The following PRELID2 variants were observed in gnomAD, a reference collection of about 807,000 sequenced individuals.
PRELID2 encodes PRELI domain containing 2, also known as PRELI domain-containing protein 2.
In PRELID2, 25 loss-of-function variants were observed where a neutral mutation model predicts 28.4. The ratio of observed to expected loss-of-function variants is 0.88; its 90% confidence interval spans 0.64 to 1.23. The LOEUF (loss-of-function observed/expected upper bound fraction) is 1.23. PRELID2 is among the 50% of genes most tolerant of loss of function. The pLI, the probability that PRELID2 is intolerant of heterozygous loss-of-function variation, is 0.00. For missense variants in PRELID2, 201 were observed against 214.4 expected (o/e 0.94, Z 0.39); for synonymous variants, 76 against 71.6 (o/e 1.06, Z -0.31).
intron 1 of PRELID2, among the ~76,000 whole-genome samples, chr5:145,721,844 C>A (rs143536421): frequency 1.3e-5 from 2 of 152,156 alleles, no homozygotes; most frequent in Admixed American, 6.6e-5. Context: ...CCAGAAAAAC[C>A]TTTTAATGTA....
At chr5:145,336,471 C>A in the PRELID2 span, among the ~76,000 whole-genome samples, 1 of 151,670 alleles carries the variant, frequency 6.6e-6, no homozygotes, top group African/African-American at 2.4e-5. Context: ...GGAAGGGATC[C>A]AGTTTCAGCT....
chr5:145,504,713 T>C (rs1243187490), intron 1 of PRELID2, among the ~76,000 whole-genome samples: 1 of 152,174 alleles, frequency 6.6e-6, no homozygotes, highest in Non-Finnish European at 1.5e-5. Context: ...CTTTTCAAAA[T>C]TCCATTTAGA....
chr5:145,799,650 G>T (rs1167921482), intron 4 of PRELID2, among the ~76,000 whole-genome samples: 1 of 152,158 alleles, frequency 6.6e-6, no homozygotes, highest in African/African-American at 2.4e-5. Context: ...CATGGTATGG[G>T]GCTTGATAAA....
intron 2 of PRELID2, among the ~76,000 whole-genome samples, chr5:145,822,365 T>C (rs1283344623): frequency 6.6e-6 from 1 of 152,196 alleles, no homozygotes; most frequent in Non-Finnish European, 1.5e-5. Flanking sequence ...TTAAGTTTTG[T>C]GGGCAATAAA....
intron 2 of PRELID2, among the ~76,000 whole-genome samples, chr5:145,821,185 GTCCTCTTC>G (rs1561649934): frequency 3.6e-4 from 24 of 67,174 alleles, no homozygotes; most frequent in Admixed American, 4.8e-4. Context: ...GTGTGTGTAA[GTCCTCTTC>G]TGTGTGTGTG....
chr5:145,659,615 T>G (rs1257027694), intron 1 of PRELID2, among the ~76,000 whole-genome samples: 1 of 152,190 alleles, frequency 6.6e-6, no homozygotes, highest in African/African-American at 2.4e-5. Context: ...AGGGACTCAC[T>G]GGCATGCCTT....
the PRELID2 span, among the ~76,000 whole-genome samples, chr5:145,248,129 A>G: frequency 6.6e-6 from 1 of 152,156 alleles, no homozygotes; most frequent in African/African-American, 2.4e-5. Flanking sequence ...ATGATACTTC[A>G]ACAAAATCAT....
chr5:145,384,475 AC>A, the PRELID2 span, among the ~76,000 whole-genome samples: 1 of 152,196 alleles, frequency 6.6e-6, no homozygotes, highest in Non-Finnish European at 1.5e-5. Context: ...AATATTCAAA[AC>A]ATATATTGAA....
chr5:145,534,802 C>A (rs1251346538), intron 1 of PRELID2, among the ~76,000 whole-genome samples: 1 of 151,892 alleles, frequency 6.6e-6, no homozygotes, highest in African/African-American at 2.4e-5. Context: ...CCTATAATTT[C>A]ACATATAGAG....
At chr5:145,646,404 TA>T (rs1302189506) in intron 1 of PRELID2, among the ~76,000 whole-genome samples, 1 of 152,200 alleles carries the variant, frequency 6.6e-6, no homozygotes, top group African/African-American at 2.4e-5. Flanking sequence ...TGTTCTTCCC[TA>T]AACTGGTTAT....
At chr5:145,319,408 C>A in the PRELID2 span, among the ~76,000 whole-genome samples, 1 of 152,054 alleles carries the variant, frequency 6.6e-6, no homozygotes, top group South Asian at 2.1e-4. Context: ...GTGGCTCATG[C>A]GTGTAATCCC....
intron 1 of PRELID2, among the ~76,000 whole-genome samples, chr5:145,554,155 G>A (rs546251975): frequency 6.6e-6 from 1 of 152,104 alleles, no homozygotes; most frequent in Non-Finnish European, 1.5e-5. Flanking sequence ...TGATAGATGA[G>A]AATCAACTAC....
At chr5:145,291,151 A>C in the PRELID2 span, among the ~76,000 whole-genome samples, 245 of 151,416 alleles carry the variant, frequency 1.6e-3, 6 homozygotes, top group East Asian at 0.038. Context: ...CATCCTGGCC[A>C]ACATGGTGAA....
intron 4 of PRELID2, among the ~76,000 whole-genome samples, chr5:145,806,062 G>A (rs1753482687): frequency 6.6e-6 from 1 of 152,142 alleles, no homozygotes; most frequent in Admixed American, 6.5e-5. Flanking sequence ...GGATATTACT[G>A]TACACTGCTG....
the PRELID2 span, among the ~76,000 whole-genome samples, chr5:145,333,357 A>C: frequency 2.6e-5 from 4 of 152,156 alleles, no homozygotes; most frequent in East Asian, 7.7e-4. Flanking sequence ...TAGTCTGTTG[A>C]AGGTGTGCCC....
intron 1 of PRELID2, among the ~76,000 whole-genome samples, chr5:145,656,549 A>G (rs2149674457): frequency 6.6e-6 from 1 of 152,286 alleles, no homozygotes; most frequent in South Asian, 2.1e-4. Context: ...TGGCACATAT[A>G]CACCATGGAA....
chr5:145,762,897 C>G (rs916608965), intron 6 of PRELID2, among the ~76,000 whole-genome samples: 5 of 152,184 alleles, frequency 3.3e-5, no homozygotes, highest in African/African-American at 1.2e-4. Context: ...TGTCTCCACC[C>G]AAAGAAGTGA....
At chr5:145,229,948 A>C in the PRELID2 span, 1 of 747,790 alleles carries the variant, frequency 1.3e-6, no homozygotes, top group Non-Finnish European at 2.5e-6. Flanking sequence ...ATGAGCGTGA[A>C]CGTGCAGGGT....
At chr5:145,379,961 A>C in the PRELID2 span, among the ~76,000 whole-genome samples, 3 of 152,178 alleles carry the variant, frequency 2.0e-5, no homozygotes, top group Non-Finnish European at 2.9e-5. Context: ...ACTACCCTAC[A>C]GAGTTCAGGT....
Sources: allele counts gnomAD v4.1 joint callset (sites outside exome capture counted in the v4.1 genomes callset), GRCh38; gene constraint gnomAD v4.1.1; transcripts MANE v1.5; gene names NCBI Gene and HGNC (gene_info 2026-07-23, HGNC 2026-07-21).